Variants in WSB1 observed in about 807,000 individuals in gnomAD.
WSB1 encodes WD repeat and SOCS box containing 1.
A neutral mutation model predicts 50.2 loss-of-function variants in WSB1; 23 were observed. That is an observed-to-expected ratio of 0.46 (90% CI 0.33 to 0.65). The LOEUF (loss-of-function observed/expected upper bound fraction) is 0.65, where lower values mean the gene tolerates loss of function less well. WSB1 is among the 30% of genes least tolerant of loss of function. WSB1 has a pLI of 0.02. For synonymous variants in WSB1, 179 were observed against 172.0 expected (o/e 1.04, Z -0.32); for missense variants, 492 against 522.3 (o/e 0.94, Z 0.56).
chr17:27,299,755 C>T (rs947580902), intron 1 of WSB1, among the ~76,000 whole-genome samples: 1 of 152,114 alleles, frequency 6.6e-6, no homozygotes, highest in Non-Finnish European at 1.5e-5. Flanking sequence ...ATAGAGATCT[C>T]TTAGCCTGGT....
chr17:27,306,702 C>T (rs1422929319), intron 4 of WSB1, 80 bp from the exon 5 acceptor site: 1 of 1,384,680 alleles, frequency 7.2e-7, no homozygotes, highest in African/African-American at 1.4e-5. Context: ...GTTTGTGATC[C>T]TTTGCTTTAC....
rs1170574684 is a variant in WSB1 at position 27,309,096 on chromosome 17, G to C, written c.712-4G>C. 6.3e-7 allele frequency: 1 copy of C among 1,590,166 alleles called. No individual in the cohort carries two copies. Among genetic ancestry groups the C allele is most frequent in the African/African-American group, 1.3e-5 (1 of 74,352 alleles). ...AAGCTATAACATTTGCCTTTTTATT[G>C]CAGGTTTTCCTTTGGAATATGGATA... On this transcript the variant is annotated splice_polypyrimidine_tract_variant and splice_region_variant and intron_variant, in intron 5 of 8. Coordinates refer to ENST00000262394, the MANE Select transcript of WSB1 (RefSeq NM_015626.10).
intron 5 of WSB1, chr17:27,308,768 A>G (rs1463186005): frequency 7.0e-6 from 7 of 995,288 alleles, no homozygotes; most frequent in East Asian, 1.1e-4. Context: ...ACTTAACCCT[A>G]TTTATTTCCG....
At chr17:27,307,882 C>G (rs2017522609) in intron 5 of WSB1, 2 of 1,448,680 alleles carry the variant, frequency 1.4e-6, no homozygotes, top group African/African-American at 2.8e-5. Flanking sequence ...GATGAAGTAA[C>G]CTTGCATTCG....
At chr17:27,294,663 T>A (rs995234268) in intron 1 of WSB1, among the ~76,000 whole-genome samples, 14 of 152,068 alleles carry the variant, frequency 9.2e-5, no homozygotes, top group Non-Finnish European at 1.8e-4. Context: ...GCTGTGTGGC[T>A]GGGGCGGGCA....
rs2017727674 is a variant in WSB1 at position 27,312,537 on chromosome 17, A to G, written c.*168A>G. ...TGAGCTTTTAAAATATTATTTATAG[A>G]CAATAGAAGTATTTCTGAACATATC... On this transcript the variant is annotated 3_prime_UTR_variant, in exon 9 of 9. Transcript: ENST00000262394. 7 of 849,866 alleles carry G rather than the reference A, an allele frequency of 8.2e-6. No homozygotes were observed. The highest frequency in any genetic ancestry group is 1.2e-5 in the Non-Finnish European group (7 of 577,518). 52.6% of individuals were successfully genotyped at this position (849,866 alleles called of 1,614,324 possible).
rs1387068806 is a variant in WSB1 at position 27,302,066 on chromosome 17, T to TG, written c.209+111dup. The TG allele has an allele frequency of 3.9e-6, 5 of 1,289,134 alleles. No individual in the cohort carries two copies. In the East Asian group the frequency reaches 1.3e-4, roughly 34 times the overall value. 79.9% of individuals were successfully genotyped at this position (1,289,134 alleles called of 1,614,324 possible). On this transcript the variant is annotated intron_variant, in intron 2 of 8. Coordinates refer to ENST00000262394, the MANE Select transcript of WSB1 (RefSeq NM_015626.10). Reference sequence around the variant, plus strand: ...TATTTAAGTTTTACTTTATAGATGATGTCGTGAGTTTTAATCATGGGCTGA... The same window carrying TG: ...TATTTAAGTTTTACTTTATAGATGATGGTCGTGAGTTTTAATCATGGGCTGA...
rs2017776802 is a variant in WSB1, at chr17:27,313,663, A to AG, written c.*1296dup. 6.6e-6 allele frequency: 1 copy of AG among 152,274 alleles called. No homozygotes were observed. Among genetic ancestry groups the AG allele is most frequent in the Non-Finnish European group, 1.5e-5 (1 of 68,000 alleles). 9.4% of individuals were successfully genotyped at this position (152,274 alleles called of 1,614,324 possible). On this transcript the variant is annotated 3_prime_UTR_variant, in exon 9 of 9. Coordinates refer to ENST00000262394, the MANE Select transcript of WSB1 (RefSeq NM_015626.10). ...ATTGCAAATGTTTCTTAAATAGGTT[A>AG]GGTGGAGTACTTTCTCTCTGTCTCC...
chr17:27,307,315 G>T, intron 5 of WSB1: 1 of 208,004 alleles, frequency 4.8e-6, no homozygotes, highest in South Asian at 9.5e-5. Context: ...TATAAAAATA[G>T]CACTCATGTA....
At position 27,313,323 on chromosome 17, in the gene WSB1, T is replaced by G. The variant is rs1235919780; in HGVS notation, c.*954T>G. ...TAATTTTAGAAAGCAGCTTACTAGT[T>G]TACCCTTGTGGTATAAAGTATTATA... On this transcript the variant is annotated 3_prime_UTR_variant, in exon 9 of 9. Coordinates refer to ENST00000262394, the MANE Select transcript of WSB1 (RefSeq NM_015626.10). 1 of 152,126 alleles carries G rather than the reference T, an allele frequency of 6.6e-6. No individual in the cohort carries two copies. Among genetic ancestry groups the G allele is most frequent in the Non-Finnish European group, 1.5e-5 (1 of 67,966 alleles). The allele number at this position is 152,126 out of a possible 1,614,324, so 9.4% of individuals were successfully genotyped here.
At chr17:27,307,760 T>G in intron 5 of WSB1, 2 of 1,535,042 alleles carry the variant, frequency 1.3e-6, no homozygotes, top group African/African-American at 1.4e-5. Flanking sequence ...GCAGCAATAT[T>G]GGTGTGATTG....
In WSB1 at chr17:27,309,209, C is replaced by T; in HGVS notation, c.821C>T (p.Ala274Val). The T allele has an allele frequency of 6.2e-7, 1 of 1,612,904 alleles. No homozygotes were observed. The change falls in exon 6 of 9, where the codon GCA (alanine) becomes GTA (valine). Residue 274 changes from alanine (A) to valine (V), a missense_variant. Coordinates refer to ENST00000262394, the MANE Select transcript of WSB1 (RefSeq NM_015626.10). ...FSPDGALLATASYDTRVYIWD... is the reference protein window; with the variant it reads ...FSPDGALLATVSYDTRVYIWD... ...CCTGATGGAGCATTACTGGCTACTG[C>T]ATCTTATGATACTCGAGTATATATC... is the stretch of plus-strand genomic sequence containing the variant.
intron 5 of WSB1, chr17:27,308,749 G>T (rs776655822): frequency 8.1e-6 from 8 of 988,184 alleles, no homozygotes; most frequent in Non-Finnish European, 9.6e-6. Context: ...AGAGAAGGGG[G>T]TTTGTAGTAC....
rs149278387 is a variant in WSB1, at chr17:27,294,151, C to A, written c.-245C>A. 2.9e-4 allele frequency: 103 copies of A among 356,948 alleles called. No homozygotes were observed. Among genetic ancestry groups the A allele is most frequent in the Non-Finnish European group, 9.6e-5 (19 of 197,672 alleles). The allele number at this position is 356,948 out of a possible 1,614,324, so 22.1% of individuals were successfully genotyped here. On this transcript the variant is annotated 5_prime_UTR_variant, in exon 1 of 9. Coordinates refer to ENST00000262394, the MANE Select transcript of WSB1 (RefSeq NM_015626.10). ...GCAGTCGGCGCTTTAGGGGAACTGT[C>A]TTCCTCCGCAGGCGCGAGGCTGGGT...
chr17:27,307,720 T>C, intron 5 of WSB1: 2 of 1,534,566 alleles, frequency 1.3e-6, no homozygotes, highest in East Asian at 2.4e-5. Context: ...GTTTTCCATA[T>C]GCTTCTTGCT....
At chr17:27,296,483 T>C (rs577405606) in intron 1 of WSB1, among the ~76,000 whole-genome samples, 8 of 152,332 alleles carry the variant, frequency 5.3e-5, no homozygotes, top group Admixed American at 4.6e-4. Flanking sequence ...TGGGTGTTAA[T>C]TAAAAGCCAA....
intron 5 of WSB1, chr17:27,307,119 T>C: frequency 2.1e-6 from 1 of 472,174 alleles, no homozygotes; most frequent in Non-Finnish European, 3.8e-6. Context: ...ATCAGGGTTT[T>C]TTTTTTTTGT....
At chr17:27,306,202 C>CTTTTTTTTTTTTTTTTTT (rs907711059) in intron 4 of WSB1, among the ~76,000 whole-genome samples, 1 of 63,148 alleles carries the variant, frequency 1.6e-5, no homozygotes, top group African/African-American at 6.2e-5. Context: ...AGAATTCTGT[C>CTTTTTTTTTTTTTTTTTT]TTTTTTTTTT....
At position 27,312,386 on chromosome 17, in the gene WSB1, TAG is replaced by T. The variant is rs781033703; in HGVS notation, c.*18_*19del. On this transcript the variant is annotated 3_prime_UTR_variant, in exon 9 of 9. Transcript: ENST00000262394. ...CGTATTTAGAAGATTCTGCCTTCCCTAGTAGTAGGGACTGACAGAATACACTT... is the reference window on the plus strand; with the variant it reads ...CGTATTTAGAAGATTCTGCCTTCCCTTAGTAGGGACTGACAGAATACACTT... 3.1e-6 allele frequency: 5 copies of T among 1,613,334 alleles called. No homozygotes were observed. The highest frequency in any genetic ancestry group is 4.2e-6 in the Non-Finnish European group (5 of 1,179,886).
Sources: gnomAD v4.1 joint callset for allele counts (sites outside exome capture counted in the v4.1 genomes callset) on GRCh38, gnomAD v4.1.1 for gene constraint, MANE v1.5 for transcripts, NCBI Gene and HGNC (gene_info 2026-07-23, HGNC 2026-07-21) for gene names.